The following LASP1 variants were observed in gnomAD, a reference collection of about 807,000 sequenced individuals.
LASP1 encodes the protein LIM and SH3 protein 1, also known as LIM and SH3 domain protein 1.
In LASP1, 10 loss-of-function variants were observed where a neutral mutation model predicts 38.6. The ratio of observed to expected loss-of-function variants is 0.26; its 90% confidence interval spans 0.16 to 0.44. LASP1 has a LOEUF of 0.44. LASP1 is among the 20% of genes least tolerant of loss of function. LASP1 has a pLI of 1.00. For missense variants in LASP1, 243 were observed against 375.7 expected (o/e 0.65, Z 2.92); for synonymous variants, 132 against 140.8 (o/e 0.94, Z 0.44).
chr17:38,892,173 G>A (rs1479855901), intron 3 of LASP1, among the ~76,000 whole-genome samples: 1 of 152,192 alleles, frequency 6.6e-6, no homozygotes, highest in Non-Finnish European at 1.5e-5. Context: ...GGTTCTGGGA[G>A]AAGGTAAAAG....
At position 38,919,844 on chromosome 17, in the gene LASP1, T is replaced by C. The variant is rs1000063619; in HGVS notation, c.*1066T>C. The C allele has an allele frequency of 2.2e-6, 1 of 455,512 alleles. No homozygotes were observed. Among genetic ancestry groups the C allele is most frequent in the Admixed American group, 2.9e-5 (1 of 34,724 alleles). The allele number at this position is 455,512 out of a possible 1,614,324, so 28.2% of individuals were successfully genotyped here. On this transcript the variant is annotated 3_prime_UTR_variant, in exon 7 of 7. Coordinates refer to ENST00000318008, the MANE Select transcript of LASP1 (RefSeq NM_006148.4). ...TGGTGTGCGGAGGCAGGAGCATGTA[T>C]GTCTGCAGGTGTCTGACACGCAAGT...
At position 38,921,321 on chromosome 17, in the gene LASP1, A is replaced by G. The variant is rs1270831858; in HGVS notation, c.*2543A>G. The G allele has an allele frequency of 5.2e-5, 12 of 231,736 alleles. No individual in the cohort carries two copies. The East Asian group carries it at 7.4e-4, about 14-fold the overall frequency. 14.4% of individuals were successfully genotyped at this position (231,736 alleles called of 1,614,324 possible). On this transcript the variant is annotated 3_prime_UTR_variant, in exon 7 of 7. Coordinates refer to ENST00000318008, the MANE Select transcript of LASP1 (RefSeq NM_006148.4). ...TTGTGGACCAATACTAAGAATAACA[A>G]GAAGCCCAGTGGTGAGGAAAGTGCG...
At chr17:38,885,814 G>A (rs1234784974) in intron 2 of LASP1, among the ~76,000 whole-genome samples, 1 of 152,184 alleles carries the variant, frequency 6.6e-6, no homozygotes, top group Non-Finnish European at 1.5e-5. Flanking sequence ...GGCAGGAAGG[G>A]AAAAGGTAGA....
At chr17:38,886,724 C>T (rs1298034254) in intron 2 of LASP1, among the ~76,000 whole-genome samples, 4 of 151,830 alleles carry the variant, frequency 2.6e-5, no homozygotes, top group African/African-American at 9.7e-5. Flanking sequence ...GACATGGCCT[C>T]AATGCAGCTG....
chr17:38,900,497 AC>A (rs1377047998), intron 4 of LASP1, among the ~76,000 whole-genome samples: 1 of 152,020 alleles, frequency 6.6e-6, no homozygotes, highest in African/African-American at 2.4e-5. Flanking sequence ...ACATGGTGAA[AC>A]CCCATCTCTA....
intron 2 of LASP1, among the ~76,000 whole-genome samples, chr17:38,884,891 A>G (rs1041956321): frequency 2.2e-4 from 34 of 151,980 alleles, no homozygotes; most frequent in African/African-American, 7.7e-4. Context: ...GGGTTTTGCC[A>G]CGTTGGCCAG....
rs186134205 is a variant in LASP1 at position 38,889,323 on chromosome 17, G to A, written c.165-1097G>A. On this transcript the variant is annotated intron_variant, in intron 2 of 6. Coordinates refer to ENST00000318008, the MANE Select transcript of LASP1 (RefSeq NM_006148.4). ...TTTTTGTATTTTTAGTGGAGACCGGGGTTTCAGCATATTGACCAGGCTAGT... is the reference window on the plus strand; with the variant it reads ...TTTTTGTATTTTTAGTGGAGACCGGAGTTTCAGCATATTGACCAGGCTAGT... 2.0e-4 allele frequency among the ~76,000 whole-genome samples: 31 copies of A among 152,200 alleles called. 1 individual carries two copies. Among genetic ancestry groups the A allele is most frequent in the Middle Eastern group, 3.4e-3 (1 of 294 alleles).
intron 2 of LASP1, among the ~76,000 whole-genome samples, chr17:38,882,352 A>T (rs1161612753): frequency 2.6e-5 from 4 of 152,160 alleles, no homozygotes; most frequent in Non-Finnish European, 5.9e-5. Context: ...GGTTCAAGCG[A>T]TTCTCCTGCC....
chr17:38,909,683 C>T (rs979528769), intron 4 of LASP1, among the ~76,000 whole-genome samples: 1 of 151,948 alleles, frequency 6.6e-6, no homozygotes, highest in Admixed American at 6.6e-5. Flanking sequence ...GCAGCATGTT[C>T]CTACAGGAAG....
intron 2 of LASP1, among the ~76,000 whole-genome samples, chr17:38,881,057 T>G (rs1248781481): frequency 2.0e-5 from 3 of 152,034 alleles, no homozygotes; most frequent in Admixed American, 2.0e-4. Flanking sequence ...GAGCCAAGAT[T>G]GCCTCTGCAC....
At chr17:38,907,750 T>C (rs1469598429) in intron 4 of LASP1, among the ~76,000 whole-genome samples, 1 of 152,182 alleles carries the variant, frequency 6.6e-6, no homozygotes, top group Non-Finnish European at 1.5e-5. Flanking sequence ...TAGATACACT[T>C]ATCCATGTGT....
intron 4 of LASP1, 106 bp from the exon 5 acceptor site, chr17:38,914,219 C>A: frequency 1.5e-6 from 2 of 1,365,260 alleles, no homozygotes; most frequent in South Asian, 1.3e-5. Context: ...CTTTCTGTAC[C>A]CAAAGCTCTT....
In LASP1 at chr17:38,914,936, C is replaced by G. The variant is rs2241009; in HGVS notation, c.509-107C>G. On this transcript the variant is annotated intron_variant, in intron 5 of 6. Coordinates refer to ENST00000318008, the MANE Select transcript of LASP1 (RefSeq NM_006148.4). ...AGCCTTTGAGCTGTGGGGCTTGAGC[C>G]AGGTTGGGGGCGGGGTGGAAGTGCA... The G allele has an allele frequency of 2.9e-5, 28 of 965,474 alleles. No homozygotes were observed. In the African/African-American group the frequency reaches 4.2e-4, roughly 15 times the overall value. The allele number at this position is 965,474 out of a possible 1,614,324, so 59.8% of individuals were successfully genotyped here.
intron 2 of LASP1, 23 bp downstream of exon 2, chr17:38,878,203 G>C (rs1235410119): frequency 6.5e-7 from 1 of 1,548,558 alleles, no homozygotes; most frequent in Non-Finnish European, 8.9e-7. Flanking sequence ...CTGGGCAGGG[G>C]GCTGGGTGGG....
intron 4 of LASP1, among the ~76,000 whole-genome samples, chr17:38,901,789 G>A (rs1028237640): frequency 4.6e-5 from 7 of 151,982 alleles, no homozygotes; most frequent in South Asian, 2.1e-4. Flanking sequence ...TTTTTGAGAC[G>A]GAGCCTTGGT....
At chr17:38,891,423 T>C (rs1914320665) in intron 3 of LASP1, among the ~76,000 whole-genome samples, 4 of 152,124 alleles carry the variant, frequency 2.6e-5, no homozygotes, top group Admixed American at 2.6e-4. Flanking sequence ...GAACCGACCC[T>C]GCCTTTTGTC....
chr17:38,870,150 C>T lies in LASP1; in HGVS notation c.-40C>T. On this transcript the variant is annotated 5_prime_UTR_variant, in exon 1 of 7. Transcript: ENST00000318008. The stretch of plus-strand genomic sequence containing the variant: ...AGCTCGCCTCGGGGAACAGGACGCG[C>T]GTGAGCTCAGGCGTCCCCGCCCCAG... 2 of 1,609,462 alleles carry T rather than the reference C, an allele frequency of 1.2e-6. No individual in the cohort carries two copies. Among genetic ancestry groups the T allele is most frequent in the Non-Finnish European group, 1.7e-6 (2 of 1,178,068 alleles).
intron 4 of LASP1, chr17:38,903,836 A>G (rs1252570150): frequency 6.6e-6 from 1 of 152,234 alleles, no homozygotes; most frequent in Non-Finnish European, 1.5e-5. Flanking sequence ...AGGGGCCAGT[A>G]TATTACACAT....
rs1208094452 is a variant in LASP1, at chr17:38,918,161, G to A, written c.613-444G>A. Among the ~76,000 whole-genome samples, 2 of 151,956 alleles carry A rather than the reference G, an allele frequency of 1.3e-5. No homozygotes were observed. Among genetic ancestry groups the A allele is most frequent in the East Asian group, 3.9e-4 (2 of 5,154 alleles). ...TCTCAAAAAAAAAAAAAAAAAGAGG[G>A]AGTTGGGGGGTCTTACTGTGTTTCC... is the stretch of plus-strand genomic sequence containing the variant. On this transcript the variant is annotated intron_variant, in intron 6 of 6. Transcript: ENST00000318008. This position sits in a 1 kb window ranked among gnomAD's most constrained non-coding sequence, Gnocchi z 4.4.
Sources: gnomAD v4.1 joint callset for allele counts (sites outside exome capture counted in the v4.1 genomes callset) on GRCh38, gnomAD v4.1.1 for gene constraint, Gnocchi (gnomAD v3.1) non-coding constraint, MANE v1.5 for transcripts, NCBI Gene and HGNC (gene_info 2026-07-23, HGNC 2026-07-21) for gene names.